Variants in TNC observed in about 807,000 individuals in gnomAD.
The protein encoded by TNC is tenascin C.
A neutral mutation model predicts 202.4 loss-of-function variants in TNC; 109 were observed. The ratio of observed to expected loss-of-function variants is 0.54; its 90% CI spans 0.46 to 0.63. The LOEUF (loss-of-function observed/expected upper bound fraction) is 0.63, where lower values mean the gene tolerates loss of function less well. Among genes scored for constraint, TNC ranks in the 30% least tolerant of loss-of-function variants. The probability of loss-of-function intolerance (pLI) is 0.00; values close to 1 mark genes in which losing one functional copy is unlikely to be tolerated. For missense variants in TNC, 2,756 were observed against 2,833.3 expected (o/e 0.97, Z 0.62); for synonymous variants, 1,007 against 1,089.7 (o/e 0.92, Z 1.50).
At chr9:115,100,655 C>T (rs935615510) in intron 1 of TNC, among the ~76,000 whole-genome samples, 9 of 152,230 alleles carry the variant, frequency 5.9e-5, no homozygotes, top group African/African-American at 1.9e-4. Context: ...TGCATATGTA[C>T]GGCATGGTGA....
chr9:115,047,238 GA>G, intron 16 of TNC, among the ~76,000 whole-genome samples: 1 of 103,204 alleles, frequency 9.7e-6, no homozygotes, highest in East Asian at 2.7e-4. Context: ...TCCTACCCTT[GA>G]CTTTTTTTTT....
At chr9:115,113,430 A>T (rs1205652928) in intron 1 of TNC, among the ~76,000 whole-genome samples, 1 of 152,260 alleles carries the variant, frequency 6.6e-6, no homozygotes, top group Non-Finnish European at 1.5e-5. Flanking sequence ...ACTAAATGGC[A>T]TGATGCCTAT....
At chr9:115,062,889 T>A in intron 13 of TNC, 28 bp downstream of exon 13, 1 of 1,597,608 alleles carries the variant, frequency 6.3e-7, no homozygotes, top group Non-Finnish European at 8.6e-7. Flanking sequence ...TCCTATCATG[T>A]CTCCAGTCTG....
Position 115,064,837 on chromosome 9 carries a change from C to T in TNC, c.3297G>A (p.Gln1099=), listed in dbSNP as rs760563282. 2.5e-6 allele frequency: 4 copies of T among 1,614,056 alleles called. No individual in the cohort carries two copies. Among genetic ancestry groups the T allele is most frequent in the Non-Finnish European group, 8.5e-7 (1 of 1,180,036 alleles). Residue 1099 remains glutamine (Q), a synonymous_variant, in exon 11 of 28, where the codon CAG becomes CAA. Transcript: ENST00000350763. ...CCTGAATGATAAAGTGCTCATAGGC[C>T]TGGTCAGCTGCGGTCCAGTTGAGTC... ...GLRLNWTAAD[Q]AYEHFIIQVQ...
chr9:115,068,056 A>G (rs1325488846), intron 10 of TNC, among the ~76,000 whole-genome samples: 1 of 152,202 alleles, frequency 6.6e-6, no homozygotes, highest in African/African-American at 2.4e-5. Flanking sequence ...GGGGAATATT[A>G]TGAATAAAAA....
chr9:115,055,426 CTAT>C (rs1180856875), intron 15 of TNC: 5 of 152,632 alleles, frequency 3.3e-5, no homozygotes, highest in African/African-American at 1.2e-4. Flanking sequence ...TTTTGGAAAG[CTAT>C]TCAGAGGAAA....
At chr9:115,021,966 G>A (rs973760332) in intron 27 of TNC, among the ~76,000 whole-genome samples, 3 of 152,140 alleles carry the variant, frequency 2.0e-5, no homozygotes, top group Non-Finnish European at 4.4e-5. Context: ...TACTTCCCTA[G>A]TCTCAAGTAG....
chr9:115,111,933 C>T (rs1004466857), intron 1 of TNC, among the ~76,000 whole-genome samples: 1 of 152,156 alleles, frequency 6.6e-6, no homozygotes, highest in African/African-American at 2.4e-5. Context: ...CTGTCCAACA[C>T]AGACAATAAC....
rs986962920 is a variant in TNC at position 115,035,393 on chromosome 9, G to C, written c.5657-59C>G. 3.2e-6 allele frequency: 5 copies of C among 1,552,352 alleles called. No homozygotes were observed. In the South Asian group the frequency reaches 3.6e-5, roughly 11 times the overall value. ...ATCAGCAAATGTAGGGCAGAAATTC[G>C]GGCTGGGTATCAAGAAGACTGGGTT... On this transcript the variant is annotated intron_variant, in intron 21 of 27. Transcript: ENST00000350763.
chr9:115,062,396 C>T (rs1236488855), intron 13 of TNC, among the ~76,000 whole-genome samples: 3 of 151,908 alleles, frequency 2.0e-5, no homozygotes, highest in African/African-American at 4.8e-5. Context: ...GGCTTGAGCC[C>T]GGGAGTTTGA....
intron 19 of TNC, among the ~76,000 whole-genome samples, chr9:115,039,093 G>A (rs890262373): frequency 6.6e-6 from 1 of 152,188 alleles, no homozygotes; most frequent in African/African-American, 2.4e-5. Context: ...GCCTCCCAAA[G>A]TGCTGGGATT....
intron 1 of TNC, among the ~76,000 whole-genome samples, chr9:115,104,215 A>G (rs1487701246): frequency 1.1e-4 from 16 of 152,240 alleles, no homozygotes; most frequent in Admixed American, 9.8e-4. Flanking sequence ...TTCATCCAGA[A>G]TTTTAAGAAA....
intron 14 of TNC, among the ~76,000 whole-genome samples, chr9:115,059,194 T>C (rs1036374136): frequency 2.6e-5 from 4 of 152,222 alleles, no homozygotes; most frequent in Non-Finnish European, 5.9e-5. Flanking sequence ...CTGAGAGAAC[T>C]GCCCGGAGGA....
chr9:115,074,131 A>G (rs1833671780), intron 9 of TNC, among the ~76,000 whole-genome samples: 1 of 152,232 alleles, frequency 6.6e-6, no homozygotes, highest in Non-Finnish European at 1.5e-5. Flanking sequence ...GCTCAGATTT[A>G]AAGCAGTTAA....
In TNC at chr9:115,061,399, T is replaced by C. The variant is rs184502345; in HGVS notation, c.4034-1397A>G. Among the ~76,000 whole-genome samples the C allele has an allele frequency of 7.2e-5, 11 of 152,304 alleles. No homozygotes were observed. The East Asian group carries it at 1.9e-3, about 27-fold the overall frequency. On this transcript the variant is annotated intron_variant, in intron 13 of 27. Coordinates refer to ENST00000350763, the MANE Select transcript of TNC (RefSeq NM_002160.4). ...AGCTGTTCACTTATCTGTCAAATAG[T>C]AGGGTTCCTTGGAAGATTTCATTTG...
At chr9:115,062,081 T>C (rs947607726) in intron 13 of TNC, among the ~76,000 whole-genome samples, 1 of 152,224 alleles carries the variant, frequency 6.6e-6, no homozygotes, top group African/African-American at 2.4e-5. Flanking sequence ...TCTAGAAAGT[T>C]CTGATCTTAT....
At chr9:115,051,520 T>TC (rs1383967255) in intron 15 of TNC, among the ~76,000 whole-genome samples, 1 of 132,228 alleles carries the variant, frequency 7.6e-6, no homozygotes, top group Non-Finnish European at 1.6e-5. Flanking sequence ...AGGTGATTTT[T>TC]CTTTTTTCTT....
Position 115,077,940 on chromosome 9 carries a change from T to TAA in TNC, c.2674+2_2674+3insTT. The TAA allele has an allele frequency of 6.2e-7, 1 of 1,613,502 alleles. No homozygotes were observed. Among genetic ancestry groups the TAA allele is most frequent in the Non-Finnish European group, 8.5e-7 (1 of 1,179,456 alleles). ...TATCTGTTAACAGGGGGAGGCCTTTTACCTGTTGTGAAGGTCTCTTTGGCT... is the reference window on the plus strand; with the variant it reads ...TATCTGTTAACAGGGGGAGGCCTTTTAAACCTGTTGTGAAGGTCTCTTTGGCT... On this transcript the variant is annotated splice_region_variant and intron_variant, in intron 7 of 27. Coordinates refer to ENST00000350763, the MANE Select transcript of TNC (RefSeq NM_002160.4).
rs1474844925 is a variant in TNC, at chr9:115,021,187, TC to T, written c.6575del (p.Arg2192LysfsTer48). 1 of 1,614,046 alleles carries T rather than the reference TC, an allele frequency of 6.2e-7. No individual in the cohort carries two copies. The highest frequency in any genetic ancestry group is 1.1e-5 in the South Asian group (1 of 91,080). On this transcript the variant is annotated frameshift_variant, in exon 28 of 28. Transcript: ENST00000350763. LOFTEE classifies it high-confidence loss of function. ...CCCGTTTGCGCCTGCCTTCAAGATT[TC>T]TGAAGTTGCTTGGTCTCAGCTTCAT... ...AEMKLRPSNF[R>X]NLEGRRKRA
Sources: allele counts gnomAD v4.1 joint callset (sites outside exome capture counted in the v4.1 genomes callset), GRCh38; gene constraint gnomAD v4.1.1; transcripts MANE v1.5; gene names NCBI Gene and HGNC (gene_info 2026-07-23, HGNC 2026-07-21).